Variants in SLC16A2 observed in about 807,000 individuals in gnomAD.
The protein encoded by SLC16A2 is solute carrier family 16 member 2, also known as monocarboxylate transporter 8.
In SLC16A2, 3 loss-of-function variants were observed where a neutral mutation model predicts 27.2. The observed-to-expected ratio is 0.11, with a 90% CI of 0.05 to 0.28. SLC16A2 has a LOEUF of 0.28. Among genes scored for constraint, SLC16A2 ranks in the 10% least tolerant of loss-of-function variants. The pLI is 1.00. For missense variants in SLC16A2, 295 were observed against 458.5 expected, an observed-to-expected ratio of 0.64 and a Z score of 3.26; for synonymous variants, 202 against 187.8, an observed-to-expected ratio of 1.08 and a Z score of -0.62.
At chrX:74,485,555 T>A (rs1240741625) in intron 1 of SLC16A2, among the ~76,000 whole-genome samples, 1 of 110,798 alleles carries the variant, frequency 9.0e-6, no homozygotes, top group Non-Finnish European at 1.9e-5. Context: ...GGGCGGCCAC[T>A]CCCAAATGGC....
At chrX:74,515,412 A>G (rs926484855) in intron 1 of SLC16A2, among the ~76,000 whole-genome samples, 5 of 110,994 alleles carry the variant, frequency 4.5e-5, no homozygotes, top group Non-Finnish European at 7.5e-5. Context: ...CTGTGAGGTT[A>G]TAACAAAATA....
intron 5 of SLC16A2, among the ~76,000 whole-genome samples, chrX:74,530,496 G>A (rs1451338974): frequency 7.2e-5 from 8 of 111,717 alleles, no homozygotes; most frequent in African/African-American, 2.0e-4. Flanking sequence ...AATATTCTTC[G>A]AACACAAATT....
At chrX:74,439,085 G>A (rs750341929) in intron 1 of SLC16A2, among the ~76,000 whole-genome samples, 1 of 111,075 alleles carries the variant, frequency 9.0e-6, no homozygotes, top group African/African-American at 3.3e-5. Flanking sequence ...TAGTCACAGA[G>A]CCTAAATGAA....
At chrX:74,494,805 G>T (rs1364689242) in intron 1 of SLC16A2, among the ~76,000 whole-genome samples, 1 of 111,060 alleles carries the variant, frequency 9.0e-6, no homozygotes, top group Admixed American at 9.5e-5. Context: ...CTGAGGGACT[G>T]GGTCAGGTTG....
intron 1 of SLC16A2, among the ~76,000 whole-genome samples, chrX:74,468,657 T>C (rs1332702243): frequency 8.9e-6 from 1 of 111,968 alleles, no homozygotes; most frequent in Admixed American, 9.5e-5. Context: ...TGTTGGATGA[T>C]ATGGTACAAT....
In SLC16A2 at chrX:74,505,109, T is replaced by C. The variant is rs939621760; in HGVS notation, c.431-15881T>C. 8.0e-5 allele frequency among the ~76,000 whole-genome samples: 9 copies of C among 111,923 alleles called. No homozygotes were observed. In the Admixed American group the frequency reaches 8.5e-4, roughly 11 times the overall value. ...GCATTATACAAACATTATAGAAAGA[T>C]TAATTCAGCCCATCCCTGATAGTTT... On this transcript the variant is annotated intron_variant, in intron 1 of 5. Coordinates refer to ENST00000587091, the MANE Select transcript of SLC16A2 (RefSeq NM_006517.5).
At chrX:74,524,248 T>G in intron 2 of SLC16A2, 111 bp from the exon 3 acceptor site, 1 of 776,162 alleles carries the variant, frequency 1.3e-6, no homozygotes, top group Non-Finnish European at 1.9e-6. Flanking sequence ...CAGTGGCAAG[T>G]GGGGCTGTGG....
chrX:74,509,468 A>G (rs1016016900), intron 1 of SLC16A2, among the ~76,000 whole-genome samples: 2 of 111,915 alleles, frequency 1.8e-5, no homozygotes, highest in Non-Finnish European at 3.8e-5. Context: ...ATACATTTTT[A>G]ATTTTAAGTC....
At chrX:74,483,036 G>A (rs1313362063) in intron 1 of SLC16A2, among the ~76,000 whole-genome samples, 3 of 111,085 alleles carry the variant, frequency 2.7e-5, no homozygotes, top group African/African-American at 9.8e-5. Context: ...GCTTCCTTTA[G>A]GTCTTTGAAC....
At chrX:74,471,593 T>C (rs933269195) in intron 1 of SLC16A2, among the ~76,000 whole-genome samples, 3 of 112,241 alleles carry the variant, frequency 2.7e-5, no homozygotes, top group African/African-American at 9.7e-5. Flanking sequence ...TGTTATCTTT[T>C]CACTATCTTA....
intron 1 of SLC16A2, among the ~76,000 whole-genome samples, chrX:74,431,118 T>C (rs746832984): frequency 7.1e-5 from 8 of 112,694 alleles, no homozygotes; most frequent in Non-Finnish European, 1.3e-4. Flanking sequence ...ACTGGGTACA[T>C]AGCCAAAGGA....
intron 1 of SLC16A2, among the ~76,000 whole-genome samples, chrX:74,435,122 G>A (rs917928745): frequency 9.1e-6 from 1 of 110,471 alleles, no homozygotes; most frequent in Non-Finnish European, 1.9e-5. Flanking sequence ...GAGCCACTGC[G>A]CCCAGCCCTA....
intron 1 of SLC16A2, among the ~76,000 whole-genome samples, chrX:74,492,228 G>C (rs1378930697): frequency 9.0e-6 from 1 of 111,652 alleles, no homozygotes; most frequent in Non-Finnish European, 1.9e-5. Context: ...TCATAGAAGA[G>C]AGAGGCTATA....
chrX:74,434,186 C>T lies in SLC16A2; in HGVS notation c.430+12119C>T, dbSNP rs903886969. ...GAAGTGTATGATTCCCTTGAGAAGACATAACACACCAAACAACTACAGTTG... is the reference window on the plus strand; with the variant it reads ...GAAGTGTATGATTCCCTTGAGAAGATATAACACACCAAACAACTACAGTTG... On this transcript the variant is annotated intron_variant, in intron 1 of 5. Coordinates refer to ENST00000587091, the MANE Select transcript of SLC16A2 (RefSeq NM_006517.5). Among the ~76,000 whole-genome samples, 7 of 108,240 alleles carry T rather than the reference C, an allele frequency of 6.5e-5. No individual in the cohort carries two copies. In the Admixed American group the frequency reaches 6.9e-4, roughly 11 times the overall value. The allele number at this position is 108,240 out of a possible 115,157, so 94.0% of individuals were successfully genotyped here.
chrX:74,479,323 T>C (rs996637393), intron 1 of SLC16A2, among the ~76,000 whole-genome samples: 6 of 112,305 alleles, frequency 5.3e-5, no homozygotes, highest in African/African-American at 1.9e-4. Context: ...ATGCCATGGT[T>C]TTCAGCTCCA....
At chrX:74,495,412 C>T (rs1399037511) in intron 1 of SLC16A2, among the ~76,000 whole-genome samples, 6 of 107,697 alleles carry the variant, frequency 5.6e-5, no homozygotes, top group African/African-American at 2.0e-4. Flanking sequence ...AGGCCTTTTA[C>T]CCTCTGGGGA....
At chrX:74,488,019 A>T (rs1445680091) in intron 1 of SLC16A2, among the ~76,000 whole-genome samples, 1 of 112,162 alleles carries the variant, frequency 8.9e-6, no homozygotes, top group Admixed American at 9.5e-5. Context: ...ACATAACATT[A>T]CTTTAAGATT....
chrX:74,483,233 CTT>C (rs1281616794), intron 1 of SLC16A2, among the ~76,000 whole-genome samples: 2 of 111,420 alleles, frequency 1.8e-5, no homozygotes, highest in African/African-American at 6.5e-5. Flanking sequence ...CTAAGATCCT[CTT>C]TGAGCTTCTG....
chrX:74,525,638 C>T (rs1438301503), intron 3 of SLC16A2, 112 bp from the exon 4 acceptor site: 2 of 901,234 alleles, frequency 2.2e-6, no homozygotes, highest in East Asian at 6.2e-5. Flanking sequence ...GAGGGGGTTT[C>T]TGTCCTGCTC....
Sources: allele counts gnomAD v4.1 joint callset (sites outside exome capture counted in the v4.1 genomes callset), GRCh38; gene constraint gnomAD v4.1.1; transcripts MANE v1.5; gene names NCBI Gene and HGNC (gene_info 2026-07-23, HGNC 2026-07-21).